SLIT3: variants seen among roughly 807,000 people sequenced by gnomAD.
SLIT3 encodes the protein slit guidance ligand 3, also known as slit homolog 3 protein.
In SLIT3, 68 loss-of-function variants were observed where a neutral mutation model predicts 184.0. The ratio of observed to expected loss-of-function variants is 0.37; its 90% CI spans 0.30 to 0.45. The LOEUF is 0.45. Among genes scored for constraint, SLIT3 ranks in the 20% least tolerant of loss-of-function variants. The pLI, the probability that SLIT3 is intolerant of heterozygous loss-of-function variation, is 1.00. For synonymous variants in SLIT3, 831 were observed against 828.6 expected (o/e 1.00, Z -0.05); for missense variants, 1,707 against 2,026.0 (o/e 0.84, Z 3.02).
At chr5:168,790,354 T>A (rs1756321004) in intron 10 of SLIT3, 1 of 152,176 alleles carries the variant, frequency 6.6e-6, no homozygotes, top group Admixed American at 6.6e-5. Context: ...GCCAGGAGGA[T>A]TCTATTAATG....
intron 4 of SLIT3, among the ~76,000 whole-genome samples, chr5:168,910,608 T>C (rs1273349158): frequency 6.6e-6 from 1 of 151,748 alleles, no homozygotes; most frequent in Non-Finnish European, 1.5e-5. Context: ...TAGCCGCGTG[T>C]GGTGGCAGGC....
chr5:169,077,844 TAA>T (rs57058518), intron 4 of SLIT3, among the ~76,000 whole-genome samples: 21 of 115,812 alleles, frequency 1.8e-4, no homozygotes, highest in Admixed American at 4.4e-4. Context: ...CTTCAATTAC[TAA>T]AAAAAAAAAA....
intron 4 of SLIT3, among the ~76,000 whole-genome samples, chr5:169,070,748 A>G (rs1193829948): frequency 4.0e-5 from 6 of 150,552 alleles, no homozygotes; most frequent in Non-Finnish European, 7.4e-5. Context: ...GTTGAATTCC[A>G]TAGTGCTGTC....
intron 4 of SLIT3, among the ~76,000 whole-genome samples, chr5:169,135,103 G>A (rs2161114): frequency 6.6e-6 from 1 of 152,032 alleles, no homozygotes; most frequent in Non-Finnish European, 1.5e-5. Flanking sequence ...TGATCAGTGT[G>A]TTTTGTTTGT....
intron 5 of SLIT3, among the ~76,000 whole-genome samples, chr5:168,849,940 G>A (rs1323069903): frequency 6.6e-6 from 1 of 152,032 alleles, no homozygotes; most frequent in Non-Finnish European, 1.5e-5. Context: ...TGTCCTTTAA[G>A]CAGAGAATAG....
At chr5:168,814,935 T>C (rs1757282708) in intron 8 of SLIT3, among the ~76,000 whole-genome samples, 1 of 152,162 alleles carries the variant, frequency 6.6e-6, no homozygotes, top group Non-Finnish European at 1.5e-5. Context: ...GCTCACAGCA[T>C]TCTAGGTGGT....
chr5:168,952,456 G>A (rs2113246386), intron 4 of SLIT3, among the ~76,000 whole-genome samples: 1 of 147,070 alleles, frequency 6.8e-6, no homozygotes, highest in East Asian at 2.0e-4. Flanking sequence ...TCTGCACCAG[G>A]CACCCGGCCC....
intron 20 of SLIT3, among the ~76,000 whole-genome samples, chr5:168,730,409 C>T (rs1241984047): frequency 6.6e-6 from 1 of 152,032 alleles, no homozygotes; most frequent in African/African-American, 2.4e-5. Context: ...TTCTACCCAA[C>T]AATGACAGAA....
intron 32 of SLIT3, among the ~76,000 whole-genome samples, chr5:168,674,489 C>CTTTTTTTT (rs141548947): frequency 1.7e-4 from 20 of 119,900 alleles, no homozygotes; most frequent in African/African-American, 6.4e-4. Flanking sequence ...GGGATATTCA[C>CTTTTTTTT]TTTTTTTTTT....
At chr5:169,236,749 T>G (rs7701659) in intron 3 of SLIT3, among the ~76,000 whole-genome samples, 1 of 151,998 alleles carries the variant, frequency 6.6e-6, no homozygotes, top group Non-Finnish European at 1.5e-5. Context: ...GGATAACAGG[T>G]GTGAGCCACC....
At chr5:168,787,682 G>A (rs1188795782) in intron 11 of SLIT3, among the ~76,000 whole-genome samples, 1 of 151,990 alleles carries the variant, frequency 6.6e-6, no homozygotes, top group African/African-American at 2.4e-5. Context: ...CTTGCATGTA[G>A]GCCCCATGAG....
intron 33 of SLIT3, 88 bp from the exon 34 acceptor site, chr5:168,671,571 C>T: frequency 7.1e-7 from 1 of 1,411,264 alleles, no homozygotes. Context: ...TTCACACATT[C>T]ATGGCCAGAA....
chr5:169,203,156 G>T (rs1561735891), intron 3 of SLIT3, among the ~76,000 whole-genome samples: 3 of 152,068 alleles, frequency 2.0e-5, no homozygotes, highest in East Asian at 1.9e-4. Flanking sequence ...AGTAAATTTT[G>T]CCCAGAACAA....
At chr5:168,915,972 T>C (rs1415373611) in intron 4 of SLIT3, among the ~76,000 whole-genome samples, 2 of 152,246 alleles carry the variant, frequency 1.3e-5, no homozygotes, top group Admixed American at 6.5e-5. Context: ...ATGGTTTTCT[T>C]TTTCTTATGA....
chr5:168,883,137 C>G (rs1760019710), intron 5 of SLIT3, 128 bp downstream of exon 5: 1 of 685,684 alleles, frequency 1.5e-6, no homozygotes, highest in Non-Finnish European at 2.6e-6. Context: ...AGAAATCACT[C>G]AAGCACAGCC....
At chr5:169,143,819 G>C in intron 4 of SLIT3, among the ~76,000 whole-genome samples, 1 of 152,138 alleles carries the variant, frequency 6.6e-6, no homozygotes, top group Non-Finnish European at 1.5e-5. Context: ...AAAACAGTAT[G>C]TATGCACATG....
At chr5:168,941,135 A>G (rs1260421275) in intron 4 of SLIT3, among the ~76,000 whole-genome samples, 1 of 152,126 alleles carries the variant, frequency 6.6e-6, no homozygotes, top group Non-Finnish European at 1.5e-5. Flanking sequence ...ATCACCACCA[A>G]TTTGTCTAAA....
intron 26 of SLIT3, among the ~76,000 whole-genome samples, chr5:168,703,858 T>A (rs924548153): frequency 1.3e-5 from 2 of 148,208 alleles, no homozygotes; most frequent in African/African-American, 5.0e-5. Flanking sequence ...GGCAGGAGAA[T>A]TGCTTGAACC....
intron 4 of SLIT3, among the ~76,000 whole-genome samples, chr5:168,994,782 C>T (rs1351995556): frequency 6.6e-6 from 1 of 151,458 alleles, no homozygotes; most frequent in Non-Finnish European, 1.5e-5. Context: ...TCTGGGATTA[C>T]ATGCACCCAC....
Sources: allele counts gnomAD v4.1 joint callset (sites outside exome capture counted in the v4.1 genomes callset), GRCh38; gene constraint gnomAD v4.1.1; transcripts MANE v1.5; gene names NCBI Gene and HGNC (gene_info 2026-07-23, HGNC 2026-07-21).